The following LTBP1 variants were observed in gnomAD, a reference collection of about 807,000 sequenced individuals.
The protein encoded by LTBP1 is latent-transforming growth factor beta-binding protein 1.
LTBP1 carries 129 observed loss-of-function variants against 207.6 expected under a neutral mutation model. That is an observed-to-expected ratio of 0.62 (90% CI 0.54 to 0.72). The LOEUF (loss-of-function observed/expected upper bound fraction) is 0.72. Among genes scored for constraint, LTBP1 ranks in the 30% least tolerant of loss-of-function variants. The probability of loss-of-function intolerance (pLI) is 0.00; values close to 1 mark genes in which losing one functional copy is unlikely to be tolerated. For synonymous variants in LTBP1, 963 were observed against 833.7 expected (o/e 1.16, Z -2.67); for missense variants, 2,281 against 2,217.2 (o/e 1.03, Z -0.58).
chr2:33,176,146 A>C (rs2086024240), intron 5 of LTBP1, among the ~76,000 whole-genome samples: 1 of 152,030 alleles, frequency 6.6e-6, no homozygotes, highest in African/African-American at 2.4e-5. Flanking sequence ...CCTAAAGCTT[A>C]AAGTATAATA....
At chr2:33,129,254 C>G (rs866640178) in intron 4 of LTBP1, among the ~76,000 whole-genome samples, 1 of 152,190 alleles carries the variant, frequency 6.6e-6, no homozygotes, top group Non-Finnish European at 1.5e-5. Context: ...AGGGGTTCAA[C>G]TGTCCAGGCA....
At chr2:33,192,733 G>T (rs2088045884) in intron 7 of LTBP1, among the ~76,000 whole-genome samples, 1 of 152,138 alleles carries the variant, frequency 6.6e-6, no homozygotes, top group South Asian at 2.1e-4. Flanking sequence ...CACAGACTGG[G>T]TAATCTATAA....
intron 3 of LTBP1, among the ~76,000 whole-genome samples, chr2:33,063,513 T>C (rs1406403345): frequency 1.3e-5 from 2 of 152,208 alleles, no homozygotes; most frequent in Non-Finnish European, 2.9e-5. Flanking sequence ...AGAAAAATTA[T>C]TTTAACATTT....
chr2:32,952,760 C>T (rs907584966), intron 2 of LTBP1, among the ~76,000 whole-genome samples: 2 of 152,002 alleles, frequency 1.3e-5, no homozygotes, highest in Non-Finnish European at 2.9e-5. Flanking sequence ...CCGGTAGGCT[C>T]AGCTTTAATG....
intron 3 of LTBP1, among the ~76,000 whole-genome samples, chr2:33,094,817 A>C (rs1251966294): frequency 6.6e-6 from 1 of 152,184 alleles, no homozygotes; most frequent in Admixed American, 6.5e-5. Flanking sequence ...TTTCTGAGCT[A>C]ATGTGCAAGG....
rs373851290 is a variant in LTBP1 at position 33,055,977 on chromosome 2, T to G, written c.863+34771T>G. Among the ~76,000 whole-genome samples, 15 of 152,300 alleles carry G rather than the reference T, an allele frequency of 9.8e-5. No individual in the cohort carries two copies. The East Asian group carries it at 2.1e-3, about 22-fold the overall frequency. On this transcript the variant is annotated intron_variant, in intron 3 of 33. Transcript: ENST00000404816. ...GATATGGGGGTAAGCTGAGAGGTCC[T>G]CCTGTGGGATGTAACTTGTAAGCTT...
chr2:33,365,613 CT>C, intron 31 of LTBP1, 110 bp downstream of exon 31: 2 of 1,041,784 alleles, frequency 1.9e-6, no homozygotes, highest in Non-Finnish European at 1.4e-6. Context: ...CTCCTGATAT[CT>C]TACTTTCATC....
In LTBP1 at chr2:33,301,600, G is replaced by C. The variant is rs2093990050; in HGVS notation, c.3437G>C (p.Cys1146Ser). ...RNTEGSFQCV[C>S]DQGYRASGLG... ...ACTGAGGGCTCTTTTCAATGTGTGT[G>C]TGACCAGGGTTACAGAGCATCTGGG... The change falls in exon 22 of 34, where the codon TGT (cysteine) becomes TCT (serine). Residue 1146 changes from cysteine to serine, a missense_variant. This residue lies in a region of LTBP1 where 1,671 missense variants were observed against 1,634.8 expected (regional missense o/e 1.02). Coordinates refer to ENST00000404816, the MANE Select transcript of LTBP1 (RefSeq NM_206943.4). The C allele has an allele frequency of 6.2e-7, 1 of 1,612,196 alleles. No homozygotes were observed. Among genetic ancestry groups the C allele is most frequent in the African/African-American group, 1.3e-5 (1 of 74,842 alleles).
At chr2:33,397,429 A>G in intron 33 of LTBP1, 147 bp downstream of exon 33, 3 of 716,160 alleles carry the variant, frequency 4.2e-6, no homozygotes, top group Non-Finnish European at 6.9e-6. Flanking sequence ...TACAGTATGA[A>G]TATACTTAAT....
At chr2:33,345,503 A>G (rs1251846304) in intron 25 of LTBP1, among the ~76,000 whole-genome samples, 1 of 152,256 alleles carries the variant, frequency 6.6e-6, no homozygotes, top group Non-Finnish European at 1.5e-5. Flanking sequence ...TCCACTGGAC[A>G]TTTACCTAAA....
chr2:33,355,921 G>A (rs1235720710), intron 26 of LTBP1, among the ~76,000 whole-genome samples: 1 of 146,088 alleles, frequency 6.8e-6, no homozygotes, highest in Non-Finnish European at 1.5e-5. Context: ...CTTTTAAAGT[G>A]TTTTTATTTT....
intron 3 of LTBP1, among the ~76,000 whole-genome samples, chr2:33,063,940 G>C (rs1265467546): frequency 6.6e-6 from 1 of 150,740 alleles, no homozygotes; most frequent in Non-Finnish European, 1.5e-5. Flanking sequence ...TGCAACCTCT[G>C]CCTCCCAGGT....
intron 5 of LTBP1, among the ~76,000 whole-genome samples, chr2:33,170,765 A>G (rs1370493439): frequency 1.1e-4 from 16 of 152,000 alleles, no homozygotes; most frequent in Admixed American, 9.8e-4. Context: ...ACCCCCCAGT[A>G]GGGGCAGACT....
chr2:33,188,965 A>C, intron 7 of LTBP1, 114 bp downstream of exon 7: 4 of 1,229,592 alleles, frequency 3.3e-6, no homozygotes, highest in Non-Finnish European at 3.4e-6. Context: ...TTGACAAACT[A>C]TGACTTGTGG....
At chr2:33,247,659 C>G (rs1046643238) in intron 10 of LTBP1, among the ~76,000 whole-genome samples, 4 of 152,238 alleles carry the variant, frequency 2.6e-5, no homozygotes, top group African/African-American at 4.8e-5. Flanking sequence ...CTAATTAACA[C>G]TGTCCAATAG....
intron 22 of LTBP1, among the ~76,000 whole-genome samples, chr2:33,302,211 T>G (rs2093999709): frequency 6.6e-6 from 1 of 152,224 alleles, no homozygotes; most frequent in African/African-American, 2.4e-5. Context: ...CCCAGTGGGC[T>G]TCTTTTTCAC....
chr2:33,015,710 G>A (rs1186941670), intron 2 of LTBP1, among the ~76,000 whole-genome samples: 1 of 152,208 alleles, frequency 6.6e-6, no homozygotes, highest in African/African-American at 2.4e-5. Context: ...AAAGAAAAGA[G>A]GTTTAACTGG....
chr2:33,393,475 T>A (rs1040883795), intron 32 of LTBP1, among the ~76,000 whole-genome samples: 3 of 131,484 alleles, frequency 2.3e-5, no homozygotes, highest in Non-Finnish European at 4.7e-5. Flanking sequence ...TGGTGTGTGA[T>A]GTTCCCCATC....
intron 2 of LTBP1, among the ~76,000 whole-genome samples, chr2:32,983,325 G>C (rs1010010393): frequency 6.6e-6 from 1 of 152,202 alleles, no homozygotes; most frequent in Non-Finnish European, 1.5e-5. Flanking sequence ...TACCCTCATT[G>C]TATCTAGGAA....
Sources: allele counts gnomAD v4.1 joint callset (sites outside exome capture counted in the v4.1 genomes callset), GRCh38; gene constraint gnomAD v4.1.1; regional missense constraint gnomAD v4.1.1; transcripts MANE v1.5; gene names NCBI Gene and HGNC (gene_info 2026-07-23, HGNC 2026-07-21).